PTPRK: variants seen among roughly 807,000 people sequenced by gnomAD.
PTPRK encodes the protein receptor-type tyrosine-protein phosphatase kappa.
Under a neutral mutation model 178.0 loss-of-function variants are expected in PTPRK, and 75 were observed. That is an observed-to-expected ratio of 0.42 (90% CI 0.35 to 0.51). The LOEUF is 0.51. Among genes scored for constraint, PTPRK ranks in the 20% least tolerant of loss-of-function variants. The pLI is 0.02. For missense variants in PTPRK, 1,441 were observed against 1,797.8 expected, an observed-to-expected ratio of 0.80 and a Z score of 3.59; for synonymous variants, 637 against 620.6, an observed-to-expected ratio of 1.03 and a Z score of -0.39.
At chr6:128,342,772 T>C (rs1831844305) in intron 2 of PTPRK, among the ~76,000 whole-genome samples, 1 of 152,080 alleles carries the variant, frequency 6.6e-6, no homozygotes, top group Admixed American at 6.6e-5. Flanking sequence ...AAAAGAAATA[T>C]CTACAAATTT....
intron 7 of PTPRK, among the ~76,000 whole-genome samples, chr6:128,150,940 T>C (rs1797157724): frequency 6.6e-6 from 1 of 152,178 alleles, no homozygotes; most frequent in African/African-American, 2.4e-5. Context: ...AAGACAATTA[T>C]GGTTTAAAAT....
chr6:128,020,221 A>G (rs1368763012), intron 13 of PTPRK, among the ~76,000 whole-genome samples: 5 of 152,186 alleles, frequency 3.3e-5, no homozygotes, highest in Non-Finnish European at 7.4e-5. Flanking sequence ...TGTGACATCC[A>G]AGTAGTAATG....
chr6:128,000,078 T>G (rs1777624719), intron 15 of PTPRK: 1 of 971,364 alleles, frequency 1.0e-6, no homozygotes, highest in African/African-American at 1.8e-5. Flanking sequence ...AACTTACCAC[T>G]TAAAAAAAAA....
intron 1 of PTPRK, among the ~76,000 whole-genome samples, chr6:128,460,319 G>A (rs1280797474): frequency 6.6e-6 from 1 of 152,050 alleles, no homozygotes; most frequent in Non-Finnish European, 1.5e-5. Flanking sequence ...CAAGGTGGGA[G>A]GATTGCTTGA....
At chr6:128,192,725 A>C (rs892742657) in intron 6 of PTPRK, among the ~76,000 whole-genome samples, 1 of 151,628 alleles carries the variant, frequency 6.6e-6, no homozygotes, top group Admixed American at 6.6e-5. Context: ...CTGAGATGGG[A>C]AGATCACCTG....
At chr6:128,460,714 C>T (rs1179553554) in intron 1 of PTPRK, among the ~76,000 whole-genome samples, 1 of 152,190 alleles carries the variant, frequency 6.6e-6, no homozygotes, top group Non-Finnish European at 1.5e-5. Context: ...AATGGAGACA[C>T]AACTGCTGTC....
chr6:128,101,662 G>T, intron 7 of PTPRK, among the ~76,000 whole-genome samples: 1 of 151,980 alleles, frequency 6.6e-6, no homozygotes, highest in Admixed American at 6.5e-5. Flanking sequence ...GATTTCCTAG[G>T]ATGAACAAAA....
chr6:128,081,948 A>T (rs1259537597), intron 10 of PTPRK, among the ~76,000 whole-genome samples: 1 of 152,044 alleles, frequency 6.6e-6, no homozygotes, highest in Non-Finnish European at 1.5e-5. Context: ...TTTAAAACTT[A>T]TATGTATTTA....
At chr6:128,321,892 A>G (rs1474341485) in intron 3 of PTPRK, 147 bp downstream of exon 3, 6 of 985,504 alleles carry the variant, frequency 6.1e-6, no homozygotes, top group Non-Finnish European at 7.8e-6. Flanking sequence ...ATGTATATCT[A>G]TGTATGACAC....
chr6:128,172,627 T>G (rs1317755647), intron 7 of PTPRK, among the ~76,000 whole-genome samples: 1 of 151,394 alleles, frequency 6.6e-6, no homozygotes, highest in African/African-American at 2.4e-5. Context: ...ATATATATAG[T>G]GTGTGTGTAT....
intron 1 of PTPRK, among the ~76,000 whole-genome samples, chr6:128,432,175 A>G (rs1042095266): frequency 2.0e-5 from 3 of 152,264 alleles, no homozygotes; most frequent in Non-Finnish European, 4.4e-5. Context: ...AAAAACCCCA[A>G]TGAAAACTAA....
intron 1 of PTPRK, among the ~76,000 whole-genome samples, chr6:128,456,527 G>A (rs940288604): frequency 1.3e-5 from 2 of 150,330 alleles, no homozygotes; most frequent in African/African-American, 2.5e-5. Flanking sequence ...ATAAAAAAAG[G>A]AAGGCAAAGT....
intron 1 of PTPRK, among the ~76,000 whole-genome samples, chr6:128,509,344 A>G (rs193182418): frequency 5.4e-4 from 82 of 152,308 alleles, no homozygotes; most frequent in African/African-American, 1.9e-3. Context: ...ACTGCTCTTT[A>G]TGATACATGA....
At position 127,995,355 on chromosome 6, in the gene PTPRK, G is replaced by T. The variant is rs976648432; in HGVS notation, c.2844+107C>A. On this transcript the variant is annotated intron_variant, in intron 18 of 29. Transcript: ENST00000368226. The stretch of plus-strand genomic sequence containing the variant: ...CAGAACAAGGAAAAGTGTACAGTTT[G>T]TACTTTTATATTTTAAAAAGCTAGC... 23 of 1,527,744 alleles carry T rather than the reference G, an allele frequency of 1.5e-5. No individual in the cohort carries two copies. In the South Asian group the frequency reaches 2.6e-4, roughly 17 times the overall value. The allele number at this position is 1,527,744 out of a possible 1,614,324, so 94.6% of individuals were successfully genotyped here.
At chr6:128,123,069 C>A (rs964235463) in intron 7 of PTPRK, among the ~76,000 whole-genome samples, 1 of 151,970 alleles carries the variant, frequency 6.6e-6, no homozygotes, top group Non-Finnish European at 1.5e-5. Context: ...TTTGGGTGGG[C>A]CCTAAATTCA....
intron 8 of PTPRK, among the ~76,000 whole-genome samples, chr6:128,088,981 A>C (rs1238800305): frequency 2.0e-5 from 3 of 152,080 alleles, no homozygotes; most frequent in African/African-American, 7.2e-5. Context: ...TTTTTCCTTG[A>C]GACGGAGTTT....
intron 6 of PTPRK, among the ~76,000 whole-genome samples, chr6:128,213,342 T>C (rs1808588468): frequency 6.6e-6 from 1 of 152,010 alleles, no homozygotes; most frequent in African/African-American, 2.4e-5. Flanking sequence ...TTTTTAAATA[T>C]GAGAGATTTG....
At chr6:128,181,675 A>T (rs1801933865) in intron 7 of PTPRK, among the ~76,000 whole-genome samples, 1 of 152,076 alleles carries the variant, frequency 6.6e-6, no homozygotes, top group African/African-American at 2.4e-5. Flanking sequence ...AGTTAACATA[A>T]ACTGTGTTCT....
intron 7 of PTPRK, among the ~76,000 whole-genome samples, chr6:128,101,804 T>C (rs531167238): frequency 4.9e-4 from 74 of 152,290 alleles, no homozygotes; most frequent in African/African-American, 1.7e-3. Flanking sequence ...TGTAGCACTG[T>C]CCAACATATG....
Sources: gnomAD v4.1 joint callset for allele counts (sites outside exome capture counted in the v4.1 genomes callset) on GRCh38, gnomAD v4.1.1 for gene constraint, MANE v1.5 for transcripts, NCBI Gene and HGNC (gene_info 2026-07-23, HGNC 2026-07-21) for gene names.